Variants in USP31 observed in about 807,000 individuals in gnomAD.
USP31 encodes the protein ubiquitin specific peptidase 31.
USP31 carries 44 observed loss-of-function variants against 119.4 expected under a neutral mutation model. The observed-to-expected ratio is 0.37, with a 90% CI of 0.29 to 0.47. USP31 has a LOEUF of 0.47. Among genes scored for constraint, USP31 ranks in the 20% least tolerant of loss-of-function variants. The probability of loss-of-function intolerance (pLI) is 0.99; values close to 1 mark genes in which losing one functional copy is unlikely to be tolerated. For missense variants in USP31, 1,643 were observed against 1,730.2 expected (o/e 0.95, Z 0.89); for synonymous variants, 749 against 705.6 (o/e 1.06, Z -0.97).
chr16:23,130,949 A>C (rs551156158), intron 1 of USP31, among the ~76,000 whole-genome samples: 12 of 152,264 alleles, frequency 7.9e-5, no homozygotes, highest in Admixed American at 5.2e-4. Flanking sequence ...TTAGCTGTTA[A>C]TTTTAATTAA....
intron 6 of USP31, among the ~76,000 whole-genome samples, chr16:23,099,833 CA>C (rs1901771361): frequency 6.6e-6 from 1 of 152,024 alleles, no homozygotes; most frequent in South Asian, 2.1e-4. Context: ...AACTCAACAA[CA>C]AAAAGCAAAC....
chr16:23,121,480 C>G (rs566216374), intron 1 of USP31, among the ~76,000 whole-genome samples: 2 of 152,214 alleles, frequency 1.3e-5, no homozygotes, highest in Non-Finnish European at 2.9e-5. Context: ...CAATCTTTAC[C>G]AATTCTAGTC....
intron 1 of USP31, among the ~76,000 whole-genome samples, chr16:23,134,889 TATAC>T (rs1289659668): frequency 1.1e-4 from 2 of 17,726 alleles, no homozygotes; most frequent in Non-Finnish European, 2.2e-4. Context: ...GTTGTTACCT[TATAC>T]ACACACACAC....
rs181802516 is a variant in USP31 at position 23,096,659 on chromosome 16, C to T, written c.1234+5660G>A. On this transcript the variant is annotated intron_variant, in intron 6 of 15. Coordinates refer to ENST00000219689, the MANE Select transcript of USP31 (RefSeq NM_020718.4). ...CAAACTTGTCTCTCAGACCACAGTG[C>T]AATCAAATTAGAACTCAGGATTAAG... Among the ~76,000 whole-genome samples, 36 of 152,316 alleles carry T rather than the reference C, an allele frequency of 2.4e-4. No homozygotes were observed. The East Asian group carries it at 3.9e-3, about 16-fold the overall frequency.
At chr16:23,076,146 T>A (rs779801708) in intron 13 of USP31, among the ~76,000 whole-genome samples, 1 of 151,924 alleles carries the variant, frequency 6.6e-6, no homozygotes, top group Non-Finnish European at 1.5e-5. Context: ...TGAGAGAGCA[T>A]CAGGAAGAAT....
chr16:23,084,043 A>G (rs529849487), intron 11 of USP31, among the ~76,000 whole-genome samples: 24 of 152,338 alleles, frequency 1.6e-4, no homozygotes, highest in African/African-American at 5.5e-4. Flanking sequence ...ACCTATTTGA[A>G]ATTAAGCAGA....
chr16:23,111,002 C>A (rs1902298597), intron 1 of USP31, among the ~76,000 whole-genome samples: 1 of 152,076 alleles, frequency 6.6e-6, no homozygotes, highest in South Asian at 2.1e-4. Context: ...GTGGTGGGCG[C>A]CTGTAGTCCT....
chr16:23,101,837 A>C (rs1230807403), intron 6 of USP31, among the ~76,000 whole-genome samples: 1 of 152,112 alleles, frequency 6.6e-6, no homozygotes, highest in African/African-American at 2.4e-5. Context: ...AGTAAGAGGA[A>C]AAATACTGTC....
At chr16:23,082,831 C>CTTTTTTTT (rs71151692) in intron 11 of USP31, among the ~76,000 whole-genome samples, 15,861 of 128,130 alleles carry the variant, frequency 0.12, 1,389 homozygotes, top group Admixed American at 0.18. Context: ...CTTTCTCTCT[C>CTTTTTTTT]TTTTTTTTTT....
rs543861225 is a variant in USP31 at position 23,065,345 on chromosome 16, G to T, written c.*2701C>A. The T allele has an allele frequency of 3.1e-4, 44 of 140,040 alleles. No individual in the cohort carries two copies. In the East Asian group the frequency reaches 9.3e-3, roughly 29 times the overall value. 8.7% of individuals were successfully genotyped at this position (140,040 alleles called of 1,614,324 possible). A position where few individuals can be genotyped will look rare whatever the true frequency, so the allele number is the denominator to read the frequency against. ...ATTAAAAAAAAAAAAAAAAAGAAAA[G>T]AAAGAAAGAAACCAACACCAAGTCC... On this transcript the variant is annotated 3_prime_UTR_variant, in exon 16 of 16. Coordinates refer to ENST00000219689, the MANE Select transcript of USP31 (RefSeq NM_020718.4).
chr16:23,062,950 CG>C lies in USP31; in HGVS notation c.*5095del, dbSNP rs1244233322. 3.3e-5 allele frequency: 5 copies of C among 152,598 alleles called. No homozygotes were observed. Among genetic ancestry groups the C allele is most frequent in the African/African-American group, 1.2e-4 (5 of 41,432 alleles). 9.5% of individuals were successfully genotyped at this position (152,598 alleles called of 1,614,324 possible). On this transcript the variant is annotated 3_prime_UTR_variant, in exon 16 of 16. Transcript: ENST00000219689. ...GCCATAATTCTCAGTAAAGGGATGA[CG>C]TATCATAGTGGTTCTCAATCTGTCT...
At chr16:23,116,038 A>G (rs1902475006) in intron 1 of USP31, among the ~76,000 whole-genome samples, 1 of 152,192 alleles carries the variant, frequency 6.6e-6, no homozygotes. Context: ...ATTTCCACCC[A>G]TGGGAAATGG....
intron 2 of USP31, among the ~76,000 whole-genome samples, chr16:23,107,805 T>C (rs1359539098): frequency 6.6e-6 from 1 of 152,246 alleles, no homozygotes; most frequent in Non-Finnish European, 1.5e-5. Context: ...AAGCTCATCA[T>C]ACATGCAAAT....
rs1352076015 is a variant in USP31 at position 23,069,272 on chromosome 16, T to G, written c.2833A>C (p.Met945Leu). The G allele has an allele frequency of 6.2e-7, 1 of 1,613,168 alleles. No homozygotes were observed. Among genetic ancestry groups the G allele is most frequent in the Non-Finnish European group, 8.5e-7 (1 of 1,179,596 alleles). ...KAVGRAPLAV[M>L]EGVFKDESDT... ...GATTCGTCTTTGAACACGCCTTCCA[T>G]GACAGCCAGAGGGGCCCGGCCCACA... Residue 945 changes from methionine to leucine, a missense_variant, in exon 16 of 16, where the codon ATG becomes CTG. By Grantham distance (15) the Met-to-Leu change is conservative (BLOSUM62 2). This residue lies in a region of USP31 where 699 missense variants were observed against 650.9 expected (regional missense o/e 1.07). Coordinates refer to ENST00000219689, the MANE Select transcript of USP31 (RefSeq NM_020718.4).
At chr16:23,117,199 G>C (rs9921242) in intron 1 of USP31, among the ~76,000 whole-genome samples, 2,136 of 152,180 alleles carry the variant, frequency 0.014, 26 homozygotes, top group African/African-American at 0.032. Flanking sequence ...CAGGCACAAG[G>C]GCCAAGCATA....
At chr16:23,137,674 T>C (rs967801307) in intron 1 of USP31, among the ~76,000 whole-genome samples, 15 of 150,686 alleles carry the variant, frequency 1.0e-4, no homozygotes, top group Non-Finnish European at 1.8e-4. Context: ...ACATGAGAAA[T>C]CAAAAAGATG....
intron 1 of USP31, among the ~76,000 whole-genome samples, chr16:23,119,591 A>G (rs909095654): frequency 2.0e-5 from 3 of 152,142 alleles, no homozygotes; most frequent in Admixed American, 2.0e-4. Context: ...AGCTGCACCA[A>G]CCTTGAGGCT....
chr16:23,109,176 T>C (rs1401492666), intron 1 of USP31, among the ~76,000 whole-genome samples: 1 of 152,228 alleles, frequency 6.6e-6, no homozygotes, highest in Non-Finnish European at 1.5e-5. Context: ...TTCACATCCA[T>C]ATATCTGTAC....
rs1376574296 is a variant in USP31, at chr16:23,149,163, G to C, written c.108C>G (p.Gly36=). 2 of 1,165,620 alleles carry C rather than the reference G, an allele frequency of 1.7e-6. No homozygotes were observed. The highest frequency in any genetic ancestry group is 9.9e-5 in the Admixed American group (2 of 20,164). The allele number at this position is 1,165,620 out of a possible 1,614,324, so 72.2% of individuals were successfully genotyped here. ...RLFRSGRAGG[G]GAGGPGASGP... ...CGGACGCCCCGGGGCCCCCCGCGCCGCCGCCGCCAGCGCGGCCGCTCCGAA... is the reference window on the plus strand; with the variant it reads ...CGGACGCCCCGGGGCCCCCCGCGCCCCCGCCGCCAGCGCGGCCGCTCCGAA... The change falls in exon 1 of 16, where the codon GGC becomes GGG. Residue 36 remains glycine (G), a synonymous_variant. Coordinates refer to ENST00000219689, the MANE Select transcript of USP31 (RefSeq NM_020718.4).
Sources: allele counts gnomAD v4.1 joint callset (sites outside exome capture counted in the v4.1 genomes callset), GRCh38; gene constraint gnomAD v4.1.1; regional missense constraint gnomAD v4.1.1; transcripts MANE v1.5; gene names NCBI Gene and HGNC (gene_info 2026-07-23, HGNC 2026-07-21).